SCD5: variants seen among roughly 807,000 people sequenced by gnomAD.
The protein encoded by SCD5 is stearoyl-CoA desaturase 5.
SCD5 carries 20 observed loss-of-function variants against 30.4 expected under a neutral mutation model. The ratio of observed to expected loss-of-function variants is 0.66; its 90% CI spans 0.46 to 0.96. The LOEUF (loss-of-function observed/expected upper bound fraction) is 0.96, where lower values mean the gene tolerates loss of function less well. Among genes scored for constraint, SCD5 ranks in the 40% least tolerant of loss-of-function variants. SCD5 has a pLI of 0.00. For missense variants in SCD5, 381 were observed against 443.3 expected, an observed-to-expected ratio of 0.86 and a Z score of 1.26; for synonymous variants, 173 against 176.4, an observed-to-expected ratio of 0.98 and a Z score of 0.16.
intron 1 of SCD5, among the ~76,000 whole-genome samples, chr4:82,788,448 C>T (rs1183113864): frequency 1.3e-5 from 2 of 152,140 alleles, no homozygotes; most frequent in East Asian, 1.9e-4. Flanking sequence ...TGGAGTGCAG[C>T]GGCATGATCT....
chr4:82,670,288 C>T (rs552848273), intron 3 of SCD5, among the ~76,000 whole-genome samples: 7 of 152,016 alleles, frequency 4.6e-5, no homozygotes, highest in Admixed American at 2.6e-4. Flanking sequence ...CAAGAACACA[C>T]AGGCAATATA....
intron 1 of SCD5, among the ~76,000 whole-genome samples, chr4:82,713,840 C>T (rs114982025): frequency 0.032 from 4,800 of 152,292 alleles, 113 homozygotes; most frequent in Non-Finnish European, 0.045. Context: ...ATACCTGCTC[C>T]GATCACCTCA....
intron 1 of SCD5, among the ~76,000 whole-genome samples, chr4:82,738,073 A>G (rs925384226): frequency 1.3e-5 from 2 of 152,344 alleles, no homozygotes; most frequent in East Asian, 3.9e-4. Context: ...TGTATTCTGT[A>G]AGCATCACAC....
At chr4:82,698,802 T>A (rs1241887224) in intron 2 of SCD5, among the ~76,000 whole-genome samples, 1 of 152,218 alleles carries the variant, frequency 6.6e-6, no homozygotes, top group East Asian at 1.9e-4. Context: ...CTGACCACAC[T>A]TTGTAAAGAT....
chr4:82,795,755 G>T (rs1722196812), intron 1 of SCD5, among the ~76,000 whole-genome samples: 2 of 132,294 alleles, frequency 1.5e-5, no homozygotes, highest in South Asian at 2.5e-4. Context: ...CCAGGAGACT[G>T]AGACTGCAGT....
chr4:82,678,317 AAT>A (rs1436253936), intron 3 of SCD5, among the ~76,000 whole-genome samples: 1 of 152,204 alleles, frequency 6.6e-6, no homozygotes, highest in Non-Finnish European at 1.5e-5. Flanking sequence ...TGCATTTAGA[AAT>A]AGTCTTTAGA....
chr4:82,739,803 A>C (rs899934969), intron 1 of SCD5, among the ~76,000 whole-genome samples: 1 of 152,256 alleles, frequency 6.6e-6, no homozygotes, highest in Non-Finnish European at 1.5e-5. Flanking sequence ...TTTTTTTAGC[A>C]CAGCATATTC....
At chr4:82,794,737 C>T (rs540672791) in intron 1 of SCD5, among the ~76,000 whole-genome samples, 20 of 151,898 alleles carry the variant, frequency 1.3e-4, no homozygotes, top group Admixed American at 1.2e-3. Context: ...GCAAGCTCCA[C>T]CTCCCAGGTT....
intron 3 of SCD5, among the ~76,000 whole-genome samples, chr4:82,659,205 T>C (rs1377019373): frequency 6.6e-6 from 1 of 151,720 alleles, no homozygotes; most frequent in Admixed American, 6.6e-5. Flanking sequence ...TTTTATTGTG[T>C]CTATCTGATT....
At chr4:82,659,223 CT>C (rs200695217) in intron 3 of SCD5, among the ~76,000 whole-genome samples, 8,475 of 152,062 alleles carry the variant, frequency 0.056, 365 homozygotes, top group African/African-American at 0.12. Context: ...ATTCTTCTCC[CT>C]TTTCTTCTTT....
intron 3 of SCD5, among the ~76,000 whole-genome samples, chr4:82,674,326 G>A (rs1454368954): frequency 1.3e-5 from 2 of 152,104 alleles, no homozygotes; most frequent in Admixed American, 6.6e-5. Flanking sequence ...TTTAAAAATG[G>A]ACCAAAGATC....
At chr4:82,653,676 T>TGGTAGATAGATAGATA (rs1727801845) in intron 3 of SCD5, among the ~76,000 whole-genome samples, 1 of 136,556 alleles carries the variant, frequency 7.3e-6, no homozygotes, top group Admixed American at 7.5e-5. Context: ...TGAAAGTCAA[T>TGGTAGATAGATAGATA]GATAGATAGA....
At chr4:82,747,179 C>T (rs1354465661) in intron 1 of SCD5, among the ~76,000 whole-genome samples, 1 of 152,050 alleles carries the variant, frequency 6.6e-6, no homozygotes, top group East Asian at 1.9e-4. Flanking sequence ...GGGAACTCCC[C>T]CATTTCAATA....
intron 1 of SCD5, among the ~76,000 whole-genome samples, chr4:82,768,631 A>C (rs1157714044): frequency 6.6e-6 from 1 of 152,206 alleles, no homozygotes; most frequent in Non-Finnish European, 1.5e-5. Context: ...AGCGAGAGTA[A>C]GATTAGTGTC....
intron 1 of SCD5, among the ~76,000 whole-genome samples, chr4:82,792,094 C>T (rs960788194): frequency 6.6e-6 from 1 of 151,938 alleles, no homozygotes; most frequent in Non-Finnish European, 1.5e-5. Flanking sequence ...CCTGTCTCTA[C>T]TAAAAATACA....
chr4:82,717,159 A>G (rs1447525183), intron 1 of SCD5, among the ~76,000 whole-genome samples: 3 of 151,960 alleles, frequency 2.0e-5, no homozygotes, highest in South Asian at 2.1e-4. Context: ...CAATATTTCA[A>G]TAAATATTAC....
intron 1 of SCD5, among the ~76,000 whole-genome samples, chr4:82,717,623 G>A (rs1553917501): frequency 6.6e-6 from 1 of 151,720 alleles, no homozygotes; most frequent in Non-Finnish European, 1.5e-5. Flanking sequence ...TATCAAAATC[G>A]TTGGTCCTTT....
intron 1 of SCD5, among the ~76,000 whole-genome samples, chr4:82,792,275 A>G (rs1292660486): frequency 6.6e-6 from 1 of 151,486 alleles, no homozygotes; most frequent in African/African-American, 2.4e-5. Context: ...AAAAAAAAAA[A>G]GCTGTGCCTT....
intron 1 of SCD5, among the ~76,000 whole-genome samples, chr4:82,787,963 G>A (rs918037295): frequency 3.3e-5 from 5 of 152,186 alleles, no homozygotes; most frequent in Non-Finnish European, 5.9e-5. Context: ...CTTGAGTTCA[G>A]GAGTTCGTGG....
Sources: allele counts gnomAD v4.1 joint callset (sites outside exome capture counted in the v4.1 genomes callset), GRCh38; gene constraint gnomAD v4.1.1; transcripts MANE v1.5; gene names NCBI Gene and HGNC (gene_info 2026-07-23, HGNC 2026-07-21).